ENO4: variants seen among roughly 807,000 people sequenced by gnomAD.
ENO4 encodes the protein 2-phospho-D-glycerate hydro-lyase.
Under a neutral mutation model 63.2 loss-of-function variants are expected in ENO4, and 53 were observed. The observed-to-expected ratio is 0.84, with a 90% confidence interval of 0.67 to 1.05. ENO4 has a LOEUF of 1.05. Among genes scored for constraint, ENO4 ranks in the 50% least tolerant of loss-of-function variants. The pLI is 0.00. For synonymous variants in ENO4, 266 were observed against 283.8 expected (o/e 0.94, Z 0.63); for missense variants, 719 against 772.0 (o/e 0.93, Z 0.81).
In ENO4 at chr10:116,855,728, T is replaced by G; in HGVS notation, c.271T>G (p.Cys91Gly). 1.3e-6 allele frequency: 2 copies of G among 1,535,988 alleles called. No individual in the cohort carries two copies. The highest frequency in any genetic ancestry group is 1.7e-6 in the Non-Finnish European group (2 of 1,146,524). The change falls in exon 2 of 14, where the codon TGC becomes GGC. Residue 91 changes from cysteine (C) to glycine (G), a missense_variant. By Grantham distance (159) the Cys-to-Gly change is radical. Around this residue, in one of 3 missense-constraint regions of ENO4, gnomAD observed 544 missense variants for 583.6 expected, o/e 0.93. Coordinates refer to ENST00000341276, the MANE Select transcript of ENO4 (RefSeq NM_001242699.2). ...TCCAACCCTGCAAGTGGACATATTC[T>G]GCACCATTCAAAACTTTCCCAAGGT... ...GLPTLQVDIF[C>G]TIQNFPKNVC...
intron 10 of ENO4, among the ~76,000 whole-genome samples, chr10:116,892,518 T>C (rs1199338697): frequency 2.0e-5 from 3 of 152,188 alleles, no homozygotes; most frequent in African/African-American, 7.2e-5. Context: ...AGACATAGTC[T>C]TCCACAAAAT....
At position 116,849,746 on chromosome 10, in the gene ENO4, C is replaced by A. The variant is rs544617643; in HGVS notation, c.165+15C>A. 5 of 1,497,358 alleles carry A rather than the reference C, an allele frequency of 3.3e-6. No individual in the cohort carries two copies. In the Middle Eastern group the frequency reaches 6.8e-4, roughly 203 times the overall value. The allele number at this position is 1,497,358 out of a possible 1,614,324, so 92.8% of individuals were successfully genotyped here. A position where few individuals can be genotyped will look rare whatever the true frequency, so the allele number is the denominator to read the frequency against. On this transcript the variant is annotated intron_variant, in intron 1 of 13. Transcript: ENST00000341276. ...ACGGGCACCTGGTAGGGACCTGGGACAAGCGCTCTCCTCCCGCCAACCCCT... is the reference window on the plus strand; with the variant it reads ...ACGGGCACCTGGTAGGGACCTGGGAAAAGCGCTCTCCTCCCGCCAACCCCT...
chr10:116,862,895 A>T, intron 7 of ENO4, 43 bp downstream of exon 7: 1 of 1,291,860 alleles, frequency 7.7e-7, no homozygotes, highest in Non-Finnish European at 1.1e-6. Context: ...TGACACTTAG[A>T]CACCTTCTAG....
downstream of ENO4, chr10:116,884,396 TGAGA>T: frequency 2.6e-6 from 1 of 391,508 alleles, no homozygotes; most frequent in Non-Finnish European, 5.2e-6. Flanking sequence ...GTAATCACAG[TGAGA>T]GAAAGTAAGC....
At chr10:116,911,905 A>G, downstream of ENO4, 1 of 1,195,728 alleles carries the variant, frequency 8.4e-7, no homozygotes, top group Non-Finnish European at 1.2e-6. Flanking sequence ...CTAAACAATG[A>G]TTTTTACATG....
chr10:116,876,410 C>T lies in ENO4; in HGVS notation c.1537+150C>T, dbSNP rs1342236629. ...ATTTGTGAGAGATTTAGTGCTGGAA[C>T]ACAAAAGGCAGCTTACTGACTCCCT... On this transcript the variant is annotated intron_variant, in intron 11 of 13. Transcript: ENST00000341276. The T allele has an allele frequency of 1.1e-5, 8 of 704,950 alleles. No homozygotes were observed. In the East Asian group the frequency reaches 1.7e-4, roughly 15 times the overall value. 43.7% of individuals were successfully genotyped at this position (704,950 alleles called of 1,614,324 possible).
intron 1 of ENO4, among the ~76,000 whole-genome samples, chr10:116,852,434 A>G (rs951498600): frequency 6.6e-6 from 1 of 152,160 alleles, no homozygotes; most frequent in Admixed American, 6.5e-5. Context: ...AATGTGGCAG[A>G]TCTGGTTTTG....
intron 13 of ENO4, 102 bp from the exon 14 acceptor site, chr10:116,881,413 C>A: frequency 2.4e-6 from 2 of 846,744 alleles, no homozygotes; most frequent in African/African-American, 1.7e-5. Flanking sequence ...GGTGATGTGA[C>A]ACCTTTGGAC....
chr10:116,855,098 T>C (rs544803007), intron 1 of ENO4, among the ~76,000 whole-genome samples: 2 of 151,886 alleles, frequency 1.3e-5, no homozygotes, highest in South Asian at 4.2e-4. Context: ...ATTGAGACTA[T>C]CCTGGCCAAC....
chr10:116,871,143 A>G lies in ENO4; in HGVS notation c.1066A>G (p.Met356Val), dbSNP rs773891436. The G allele has an allele frequency of 4.5e-6, 7 of 1,550,376 alleles. No homozygotes were observed. The highest frequency in any genetic ancestry group is 6.1e-6 in the Non-Finnish European group (7 of 1,146,962). The change falls in exon 9 of 14, where the codon ATG (methionine) becomes GTG (valine). Residue 356 changes from methionine to valine, a missense_variant. By Grantham distance (21) the Met-to-Val change is conservative (BLOSUM62 1). Around this residue, in one of 3 missense-constraint regions of ENO4, gnomAD observed 544 missense variants for 583.6 expected, o/e 0.93. Coordinates refer to ENST00000341276, the MANE Select transcript of ENO4 (RefSeq NM_001242699.2). ...KRGQQQITGK[M>V]SHLGCLTINC... The stretch of plus-strand genomic sequence containing the variant: ...CTTGCAGCAGCAGATCACTGGCAAG[A>G]TGTCTCATCTTGGCTGTTTAACCAT...
Position 116,876,150 on chromosome 10 carries a change from A to C in ENO4, c.1427A>C (p.Lys476Thr), listed in dbSNP as rs1453472870. The change falls in exon 11 of 14, where the codon AAA becomes ACA. Residue 476 changes from lysine (K) to threonine (T), a missense_variant. Around this residue, in one of 3 missense-constraint regions of ENO4, gnomAD observed 7 missense variants for 25.1 expected, o/e 0.28. Coordinates refer to ENST00000341276, the MANE Select transcript of ENO4 (RefSeq NM_001242699.2). ...IAGTASKSIS[K>T]LLEQGNISIP... Reference sequence around the variant, plus strand: ...GGAACTGCTTCCAAAAGCATTTCTAAACTTCTAGAGCAAGGAAACATCAGC... The same window carrying C: ...GGAACTGCTTCCAAAAGCATTTCTACACTTCTAGAGCAAGGAAACATCAGC... 4 of 1,550,832 alleles carry C rather than the reference A, an allele frequency of 2.6e-6. No homozygotes were observed. The East Asian group carries it at 9.8e-5, about 38-fold the overall frequency.
chr10:116,857,942 A>G (rs1270287903), intron 3 of ENO4, among the ~76,000 whole-genome samples: 1 of 151,932 alleles, frequency 6.6e-6, no homozygotes, highest in Non-Finnish European at 1.5e-5. Flanking sequence ...CAGCCAAGAA[A>G]CTTTTTTGAA....
At chr10:116,868,628 A>G (rs1159151290) in intron 7 of ENO4, 22 bp from the exon 8 acceptor site, 2 of 1,550,080 alleles carry the variant, frequency 1.3e-6, no homozygotes, top group Admixed American at 2.0e-5. Flanking sequence ...CAGGTGATAC[A>G]TTTTTATCTT....
intron 10 of ENO4, chr10:116,900,693 T>C (rs1177464809): frequency 1.4e-5 from 14 of 984,748 alleles, no homozygotes; most frequent in Non-Finnish European, 1.7e-5. Context: ...ACAAATTTAA[T>C]AGGAAAGATG....
chr10:116,891,395 A>G (rs1847337767), intron 10 of ENO4, among the ~76,000 whole-genome samples: 1 of 152,236 alleles, frequency 6.6e-6, no homozygotes, highest in Non-Finnish European at 1.5e-5. Flanking sequence ...GGATGTCTGC[A>G]TTAGTCTGTG....
chr10:116,899,672 C>T (rs187127258), intron 10 of ENO4, among the ~76,000 whole-genome samples: 6 of 152,152 alleles, frequency 3.9e-5, no homozygotes, highest in Non-Finnish European at 7.3e-5. Flanking sequence ...GAAACACTAA[C>T]GGTGGTGTTG....
In ENO4 at chr10:116,876,204, AAC is replaced by A; in HGVS notation, c.1487_1488del (p.Thr496LysfsTer7). 1 of 1,550,336 alleles carries A rather than the reference AAC, an allele frequency of 6.5e-7. No individual in the cohort carries two copies. Among genetic ancestry groups the A allele is most frequent in the Non-Finnish European group, 8.7e-7 (1 of 1,146,926 alleles). ...CCCAAATCCAATGGGCTGATCATAA[AAC>A]ACACAAACCAAACTACAATGTCTGA... On this transcript the variant is annotated frameshift_variant, in exon 11 of 14. Transcript: ENST00000341276. LOFTEE classifies it high-confidence loss of function.
chr10:116,849,779 C>A (rs750093914), intron 1 of ENO4, 48 bp downstream of exon 1: 31 of 1,465,086 alleles, frequency 2.1e-5, no homozygotes, highest in South Asian at 1.3e-4. Flanking sequence ...CCTCTCCCCC[C>A]GCCCCGCGCT....
chr10:116,852,754 T>C (rs542236522), intron 1 of ENO4, among the ~76,000 whole-genome samples: 3 of 152,162 alleles, frequency 2.0e-5, no homozygotes, highest in African/African-American at 4.8e-5. Context: ...CCTCAGGATA[T>C]CCTGTGAGAA....
Sources: gnomAD v4.1 joint callset for allele counts (sites outside exome capture counted in the v4.1 genomes callset) on GRCh38, gnomAD v4.1.1 for gene constraint, gnomAD v4.1.1 regional missense constraint, MANE v1.5 for transcripts, NCBI Gene and HGNC (gene_info 2026-07-23, HGNC 2026-07-21) for gene names.